NCOA3: variants seen among roughly 807,000 people sequenced by gnomAD.
The protein encoded by NCOA3 is CBP-interacting protein.
A neutral mutation model predicts 158.8 loss-of-function variants in NCOA3; 51 were observed. That is an observed-to-expected ratio of 0.32 (90% CI 0.26 to 0.41). The LOEUF is 0.41. Ranked by LOEUF, NCOA3 falls within the 10% of genes least tolerant of loss-of-function variation. The pLI is 1.00. For synonymous variants in NCOA3, 537 were observed against 592.4 expected (o/e 0.91, Z 1.36); for missense variants, 1,510 against 1,746.6 (o/e 0.86, Z 2.41).
At position 47,501,902 on chromosome 20, in the gene NCOA3, A is replaced by G. The variant is rs925303980; in HGVS notation, c.-216A>G. On this transcript the variant is annotated 5_prime_UTR_variant, in exon 1 of 23. Transcript: ENST00000371998. ...CGGCGACTTTAGCTGCTGCTGTCTC[A>G]GCCGCTCCACAGCGACGGCAGCGGC... The G allele has an allele frequency of 2.5e-6, 1 of 400,006 alleles. No homozygotes were observed. Among genetic ancestry groups the G allele is most frequent in the Non-Finnish European group, 4.4e-6 (1 of 227,014 alleles). The allele number at this position is 400,006 out of a possible 1,614,324, so 24.8% of individuals were successfully genotyped here.
intron 2 of NCOA3, among the ~76,000 whole-genome samples, chr20:47,599,324 C>T (rs1422752741): frequency 6.6e-6 from 1 of 150,562 alleles, no homozygotes; most frequent in Non-Finnish European, 1.5e-5. Flanking sequence ...GACGCAAATA[C>T]GTAAGTGGTT....
chr20:47,528,644 G>A (rs73123983), intron 1 of NCOA3, among the ~76,000 whole-genome samples: 10,143 of 152,062 alleles, frequency 0.067, 493 homozygotes, highest in Middle Eastern at 0.17. Flanking sequence ...ACTTGAATTA[G>A]GTTTTGAATG....
At chr20:47,600,833 AGAT>A (rs2085850369) in intron 2 of NCOA3, among the ~76,000 whole-genome samples, 1 of 151,456 alleles carries the variant, frequency 6.6e-6, no homozygotes, top group Admixed American at 6.6e-5. Flanking sequence ...AAAAAAAAAA[AGAT>A]AGAATTCAAA....
intron 4 of NCOA3, among the ~76,000 whole-genome samples, chr20:47,625,051 G>A (rs2086300637): frequency 6.6e-6 from 1 of 152,174 alleles, no homozygotes; most frequent in Non-Finnish European, 1.5e-5. Context: ...GGGATTACAG[G>A]TGTGAGCCAC....
chr20:47,601,139 G>T (rs2085855499), intron 2 of NCOA3, among the ~76,000 whole-genome samples: 1 of 152,210 alleles, frequency 6.6e-6, no homozygotes, highest in Admixed American at 6.5e-5. Context: ...TGAGGGCCTT[G>T]TGCCATGTCG....
At chr20:47,648,010 G>T (rs1392613611) in intron 18 of NCOA3, among the ~76,000 whole-genome samples, 1 of 151,224 alleles carries the variant, frequency 6.6e-6, no homozygotes, top group African/African-American at 2.4e-5. Context: ...CACCTTCTGG[G>T]TTCAGGTGAT....
chr20:47,516,242 G>T (rs892841546), intron 1 of NCOA3, among the ~76,000 whole-genome samples: 18 of 152,160 alleles, frequency 1.2e-4, no homozygotes, highest in African/African-American at 4.3e-4. Flanking sequence ...ATGGTGGGGG[G>T]ATGGTGATAG....
chr20:47,542,009 G>GTTTTTTTGTTTTTTTTTTTTTTTTTTT lies in NCOA3; in HGVS notation c.-99+39997_-99+39998insGTTTTTTTTTTTTTTTTTTTTTTTTTT, dbSNP rs71183262. On this transcript the variant is annotated intron_variant, in intron 1 of 22. Transcript: ENST00000371998. ...ATCAAATTATTTTTTGCCCTGTAGA[G>GTTTTTTTGTTTTTTTTTTTTTTTTTTT]TTTTTTTTTTTTTTTTTTTTTGTTG... is the stretch of plus-strand genomic sequence containing the variant. 8.7e-4 allele frequency among the ~76,000 whole-genome samples: 49 copies of GTTTTTTTGTTTTTTTTTTTTTTTTTTT among 56,356 alleles called. 1 individual carries two copies. The highest frequency in any genetic ancestry group is 1.2e-3 in the Non-Finnish European group (35 of 28,698). 37.0% of individuals were successfully genotyped at this position (56,356 alleles called of 152,430 possible). A position where few individuals can be genotyped will look rare whatever the true frequency, so the allele number is the denominator to read the frequency against.
In NCOA3 at chr20:47,541,858, TCTC is replaced by T. The variant is rs796492089; in HGVS notation, c.-99+39843_-99+39845del. 9.2e-4 allele frequency among the ~76,000 whole-genome samples: 134 copies of T among 145,152 alleles called. 1 individual carries two copies. Among genetic ancestry groups the T allele is most frequent in the Non-Finnish European group, 1.2e-4 (8 of 67,182 alleles). ...TACACAGTCACTTCAGTTTTCTAGT[TCTC>T]CTCATTTTTTAATTTGTTGGAATCA... On this transcript the variant is annotated intron_variant, in intron 1 of 22. Transcript: ENST00000371998.
intron 2 of NCOA3, among the ~76,000 whole-genome samples, chr20:47,602,984 C>T (rs6066404): frequency 0.068 from 10,351 of 152,098 alleles, 454 homozygotes; most frequent in Non-Finnish European, 0.097. Flanking sequence ...AAGTTATGAA[C>T]GTTAACATGA....
chr20:47,593,333 G>GTTT (rs1367829605), intron 2 of NCOA3, among the ~76,000 whole-genome samples: 2 of 102,956 alleles, frequency 1.9e-5, no homozygotes, highest in African/African-American at 8.2e-5. Context: ...TGAGTTGATG[G>GTTT]ATTTTTTTTT....
chr20:47,584,353 C>T (rs1002951169), intron 2 of NCOA3, among the ~76,000 whole-genome samples: 5 of 152,048 alleles, frequency 3.3e-5, no homozygotes, highest in Admixed American at 2.0e-4. Flanking sequence ...GATGCGGTGG[C>T]GCATGCCTGT....
At chr20:47,577,304 CAA>C (rs1173537217) in intron 1 of NCOA3, among the ~76,000 whole-genome samples, 1 of 152,148 alleles carries the variant, frequency 6.6e-6, no homozygotes. Flanking sequence ...TGAAGAAACT[CAA>C]ATGGCATTTT....
chr20:47,567,022 ATGTATGTATG>A (rs1602412789), intron 1 of NCOA3, among the ~76,000 whole-genome samples: 13 of 140,636 alleles, frequency 9.2e-5, no homozygotes, highest in East Asian at 6.3e-4. Flanking sequence ...CTATGTATGT[ATGTATGTATG>A]TATGTATGTA....
Position 47,654,062 on chromosome 20 carries a change from A to G in NCOA3, c.*645A>G. 1 of 152,766 alleles carries G rather than the reference A, an allele frequency of 6.5e-6. No individual in the cohort carries two copies. The allele number at this position is 152,766 out of a possible 1,614,324, so 9.5% of individuals were successfully genotyped here. ...ATGGATGTCCAAATGGCTTTGCAGA[A>G]AGGAAATGAGATGACAGTATTTAAT... On this transcript the variant is annotated 3_prime_UTR_variant, in exon 23 of 23. Coordinates refer to ENST00000371998, the MANE Select transcript of NCOA3 (RefSeq NM_181659.3).
chr20:47,597,383 C>T (rs1004141151), intron 2 of NCOA3, among the ~76,000 whole-genome samples: 1 of 151,060 alleles, frequency 6.6e-6, no homozygotes, highest in African/African-American at 2.4e-5. Context: ...TTGTATTGAT[C>T]TTAAGGCTCT....
intron 1 of NCOA3, among the ~76,000 whole-genome samples, chr20:47,535,565 T>C (rs2146116162): frequency 6.6e-6 from 1 of 151,798 alleles, no homozygotes; most frequent in South Asian, 2.1e-4. Flanking sequence ...TGGGGTGCAG[T>C]GGCGCAATCT....
At chr20:47,517,403 C>T (rs887369286) in intron 1 of NCOA3, among the ~76,000 whole-genome samples, 7 of 151,326 alleles carry the variant, frequency 4.6e-5, no homozygotes, top group African/African-American at 1.7e-4. Flanking sequence ...GAACCACCTG[C>T]TTATGTTGAT....
At chr20:47,581,081 G>A (rs1392076315) in intron 1 of NCOA3, among the ~76,000 whole-genome samples, 3 of 152,018 alleles carry the variant, frequency 2.0e-5, no homozygotes, top group Admixed American at 6.6e-5. Context: ...AGCCAGTCTG[G>A]GCACAGAGTG....
Sources: allele counts gnomAD v4.1 joint callset (sites outside exome capture counted in the v4.1 genomes callset), GRCh38; gene constraint gnomAD v4.1.1; transcripts MANE v1.5; gene names NCBI Gene and HGNC (gene_info 2026-07-23, HGNC 2026-07-21).